The following ADORA2B variants were observed in gnomAD, a reference collection of about 807,000 sequenced individuals.
The protein encoded by ADORA2B is adenosine A2b receptor.
Under a neutral mutation model 20.8 loss-of-function variants are expected in ADORA2B, and 18 were observed. The observed-to-expected ratio is 0.87, with a 90% CI of 0.60 to 1.29. The LOEUF is 1.29. ADORA2B is among the 50% of genes most tolerant of loss of function. The pLI, the probability that ADORA2B is intolerant of heterozygous loss-of-function variation, is 0.00. For synonymous variants in ADORA2B, 179 were observed against 178.3 expected (o/e 1.00, Z -0.03); for missense variants, 441 against 422.7 (o/e 1.04, Z -0.38).
the ADORA2B span, among the ~76,000 whole-genome samples, chr17:15,907,216 T>G: frequency 8.6e-6 from 1 of 115,864 alleles, no homozygotes; most frequent in Middle Eastern, 3.9e-3. Context: ...TGTGAAAGTG[T>G]TTTTTTTTTT....
intron 1 of ADORA2B, among the ~76,000 whole-genome samples, chr17:15,946,181 A>C (rs1339820844): frequency 1.3e-5 from 2 of 152,222 alleles, no homozygotes; most frequent in Non-Finnish European, 2.9e-5. Context: ...GGTGTCCGTT[A>C]ACTTTGGGGA....
the ADORA2B span, among the ~76,000 whole-genome samples, chr17:15,862,898 A>G: frequency 2.0e-5 from 3 of 151,302 alleles, no homozygotes; most frequent in Non-Finnish European, 2.9e-5. Flanking sequence ...AGTAGCTAGT[A>G]GTAGCTTTTT....
At chr17:15,961,034 GC>G (rs2151602287) in intron 1 of ADORA2B, among the ~76,000 whole-genome samples, 1 of 151,550 alleles carries the variant, frequency 6.6e-6, no homozygotes, top group South Asian at 2.1e-4. Context: ...AGGCGTGGTG[GC>G]GGGTGCCTGT....
At chr17:15,914,855 C>A in the ADORA2B span, among the ~76,000 whole-genome samples, 1 of 152,228 alleles carries the variant, frequency 6.6e-6, no homozygotes, top group Non-Finnish European at 1.5e-5. Context: ...CCAACTTGTG[C>A]ACTGACTTTA....
At chr17:15,867,022 A>G in the ADORA2B span, among the ~76,000 whole-genome samples, 3 of 152,246 alleles carry the variant, frequency 2.0e-5, no homozygotes, top group Non-Finnish European at 4.4e-5. Flanking sequence ...CCTAACTGCG[A>G]GTGATCCGCC....
chr17:15,973,315 TCTG>T (rs1567785007), intron 1 of ADORA2B, among the ~76,000 whole-genome samples: 1 of 152,182 alleles, frequency 6.6e-6, no homozygotes, highest in African/African-American at 2.4e-5. Context: ...TCTTTCTTAC[TCTG>T]CTTTTTCATG....
chr17:15,959,494 ATTTTTTT>A (rs56097835), intron 1 of ADORA2B, among the ~76,000 whole-genome samples: 2 of 75,954 alleles, frequency 2.6e-5, no homozygotes, highest in African/African-American at 8.8e-5. Flanking sequence ...TCACATTCTG[ATTTTTTT>A]TTTTTTTTTT....
intron 1 of ADORA2B, among the ~76,000 whole-genome samples, chr17:15,967,120 G>T (rs1308212500): frequency 6.6e-6 from 1 of 152,228 alleles, no homozygotes; most frequent in East Asian, 1.9e-4. Flanking sequence ...CCAGCAGGAA[G>T]TGGGAAAGGA....
At chr17:15,872,015 C>G in the ADORA2B span, among the ~76,000 whole-genome samples, 1 of 152,136 alleles carries the variant, frequency 6.6e-6, no homozygotes, top group Admixed American at 6.5e-5. Flanking sequence ...GGTGAAAGAG[C>G]TGGGTGCAAA....
the ADORA2B span, among the ~76,000 whole-genome samples, chr17:15,869,739 C>A: frequency 1.3e-5 from 2 of 152,110 alleles, no homozygotes; most frequent in African/African-American, 4.8e-5. Flanking sequence ...GTTAGTTATT[C>A]CTAAACTGTT....
the ADORA2B span, among the ~76,000 whole-genome samples, chr17:15,901,559 G>C: frequency 6.6e-6 from 1 of 151,806 alleles, no homozygotes; most frequent in Non-Finnish European, 1.5e-5. Flanking sequence ...ACCCATTCTA[G>C]GCATTTTCCA....
At chr17:15,918,981 A>G in the ADORA2B span, among the ~76,000 whole-genome samples, 1 of 152,116 alleles carries the variant, frequency 6.6e-6, no homozygotes, top group African/African-American at 2.4e-5. Flanking sequence ...GCAGGTCCTG[A>G]GCCCCCACCA....
intron 1 of ADORA2B, among the ~76,000 whole-genome samples, chr17:15,962,463 T>G (rs1970052934): frequency 6.6e-6 from 1 of 152,212 alleles, no homozygotes; most frequent in African/African-American, 2.4e-5. Flanking sequence ...AATGTCAGTA[T>G]GGACTTACAG....
the ADORA2B span, among the ~76,000 whole-genome samples, chr17:15,873,762 T>G: frequency 1.3e-5 from 2 of 152,066 alleles, no homozygotes; most frequent in Middle Eastern, 3.2e-3. Context: ...GGCGTGGATG[T>G]GGGGAAAAGG....
At chr17:15,926,039 A>G in the ADORA2B span, among the ~76,000 whole-genome samples, 1 of 152,140 alleles carries the variant, frequency 6.6e-6, no homozygotes, top group East Asian at 1.9e-4. Flanking sequence ...CTCCAAAGCA[A>G]TTTTTTTCTG....
the ADORA2B span, among the ~76,000 whole-genome samples, chr17:15,894,603 G>A: frequency 1.3e-5 from 2 of 152,212 alleles, no homozygotes; most frequent in Non-Finnish European, 2.9e-5. Flanking sequence ...CACGAGAGTG[G>A]TAGCAACGCA....
chr17:15,962,132 A>G (rs567755567), intron 1 of ADORA2B, among the ~76,000 whole-genome samples: 1 of 152,240 alleles, frequency 6.6e-6, no homozygotes, highest in African/African-American at 2.4e-5. Context: ...GTGAAACCCC[A>G]TCTCTACTAA....
chr17:15,956,358 A>C (rs1969966003), intron 1 of ADORA2B, among the ~76,000 whole-genome samples: 1 of 152,036 alleles, frequency 6.6e-6, no homozygotes, highest in African/African-American at 2.4e-5. Context: ...CACAGCTCCC[A>C]AAGCTTGCCC....
intron 1 of ADORA2B, among the ~76,000 whole-genome samples, chr17:15,956,072 C>T (rs779509539): frequency 3.3e-5 from 5 of 152,226 alleles, no homozygotes; most frequent in African/African-American, 1.2e-4. Context: ...TGTTCTCTGA[C>T]AGTTCCCAGT....
Sources: allele counts gnomAD v4.1 joint callset (sites outside exome capture counted in the v4.1 genomes callset), GRCh38; gene constraint gnomAD v4.1.1; transcripts MANE v1.5; gene names NCBI Gene and HGNC (gene_info 2026-07-23, HGNC 2026-07-21).